LRRTM4: variants seen among roughly 807,000 people sequenced by gnomAD.
LRRTM4 encodes the protein leucine rich repeat transmembrane neuronal 4.
Under a neutral mutation model 47.6 loss-of-function variants are expected in LRRTM4, and 25 were observed. That is an observed-to-expected ratio of 0.53 (90% CI 0.38 to 0.73). The LOEUF is 0.73. Among genes scored for constraint, LRRTM4 ranks in the 30% least tolerant of loss-of-function variants. The pLI, the probability that LRRTM4 is intolerant of heterozygous loss-of-function variation, is 0.00. For missense variants in LRRTM4, 638 were observed against 713.4 expected (o/e 0.89, Z 1.20); for synonymous variants, 311 against 269.5 (o/e 1.15, Z -1.51).
In LRRTM4 at chr2:77,340,603, A is replaced by G. The variant is rs562258747; in HGVS notation, c.1551+177715T>C. ...TGTCACATGCAGAGAACAAGGAGTA[A>G]AGAAGAATTGGTAGGGATGGAATTA... is the stretch of plus-strand genomic sequence containing the variant. On this transcript the variant is annotated intron_variant, in intron 3 of 3. Coordinates refer to ENST00000409884, the MANE Select transcript of LRRTM4 (RefSeq NM_001134745.3). Among the ~76,000 whole-genome samples the G allele has an allele frequency of 3.3e-3, 498 of 152,080 alleles. 4 individuals carry two copies. The highest frequency in any genetic ancestry group is 0.012 in the African/African-American group (481 of 41,534).
Position 77,089,988 on chromosome 2 carries a change from C to T in LRRTM4, c.1552-341072G>A, listed in dbSNP as rs191271098. Among the ~76,000 whole-genome samples, 197 of 152,260 alleles carry T rather than the reference C, an allele frequency of 1.3e-3. 1 individual carries two copies. Among genetic ancestry groups the T allele is most frequent in the Middle Eastern group, 3.4e-3 (1 of 294 alleles). On this transcript the variant is annotated intron_variant, in intron 3 of 3. Coordinates refer to ENST00000409884, the MANE Select transcript of LRRTM4 (RefSeq NM_001134745.3). ...CCATCTGTCCCCTCAGTACTAACCC[C>T]AAGCATCGCTGAGTCTTTGTTATCT...
At chr2:76,934,588 C>T (rs920512324) in intron 3 of LRRTM4, among the ~76,000 whole-genome samples, 1 of 152,220 alleles carries the variant, frequency 6.6e-6, no homozygotes, top group African/African-American at 2.4e-5. Flanking sequence ...TGTCAATTTG[C>T]AGTGTGTAAA....
intron 3 of LRRTM4, among the ~76,000 whole-genome samples, chr2:77,387,945 T>C (rs1177070855): frequency 2.0e-5 from 3 of 152,116 alleles, no homozygotes; most frequent in African/African-American, 7.2e-5. Context: ...GATATTTAAA[T>C]ATTCTCCACT....
intron 3 of LRRTM4, among the ~76,000 whole-genome samples, chr2:76,815,185 C>T (rs1007767104): frequency 6.6e-6 from 1 of 152,040 alleles, no homozygotes; most frequent in Non-Finnish European, 1.5e-5. Context: ...GTCAGTGACT[C>T]TTCACACAAA....
intron 3 of LRRTM4, among the ~76,000 whole-genome samples, chr2:76,962,540 A>C (rs1675895539): frequency 6.6e-6 from 1 of 150,900 alleles, no homozygotes; most frequent in South Asian, 2.1e-4. Flanking sequence ...GAGAAACAAT[A>C]TAAATAGCTG....
chr2:77,251,222 T>C (rs1675605086), intron 3 of LRRTM4, among the ~76,000 whole-genome samples: 1 of 72,584 alleles, frequency 1.4e-5, no homozygotes, highest in African/African-American at 8.2e-5. Context: ...TATATGTGTA[T>C]ATATACATAT....
rs116528852 is a variant in LRRTM4, at chr2:77,403,485, G to T, written c.1551+114833C>A. On this transcript the variant is annotated intron_variant, in intron 3 of 3. Transcript: ENST00000409884. ...GAATGAAAGATAAATGAGAAGTAAA[G>T]AAAATTGAGAACCTTAAATATATAT... 5.3e-3 allele frequency among the ~76,000 whole-genome samples: 801 copies of T among 151,788 alleles called. 10 individuals are homozygous for T. The highest frequency in any genetic ancestry group is 0.018 in the African/African-American group (765 of 41,460).
At chr2:77,217,383 A>G (rs1674480936) in intron 3 of LRRTM4, among the ~76,000 whole-genome samples, 1 of 31,490 alleles carries the variant, frequency 3.2e-5, no homozygotes, top group Admixed American at 3.8e-4. Context: ...TAATTTAATT[A>G]TATTAATTAA....
chr2:77,380,705 A>C (rs571701278), intron 3 of LRRTM4, among the ~76,000 whole-genome samples: 1 of 152,070 alleles, frequency 6.6e-6, no homozygotes, highest in African/African-American at 2.4e-5. Flanking sequence ...CTAAGGCAGG[A>C]GAATCGCTTG....
At chr2:76,814,769 T>A (rs891213941) in intron 3 of LRRTM4, among the ~76,000 whole-genome samples, 1 of 151,032 alleles carries the variant, frequency 6.6e-6, no homozygotes, top group African/African-American at 2.4e-5. Flanking sequence ...GTAATAACAA[T>A]AGCAATACTA....
chr2:76,937,281 A>G (rs904566272), intron 3 of LRRTM4, among the ~76,000 whole-genome samples: 14 of 152,128 alleles, frequency 9.2e-5, no homozygotes, highest in African/African-American at 2.9e-4. Flanking sequence ...TTATTAACTG[A>G]TGCAAACCAA....
At chr2:77,148,650 A>G (rs931575083) in intron 3 of LRRTM4, among the ~76,000 whole-genome samples, 2 of 152,180 alleles carry the variant, frequency 1.3e-5, no homozygotes, top group African/African-American at 4.8e-5. Flanking sequence ...TGAAAACAGA[A>G]ATAATTTTAA....
chr2:76,914,286 G>A (rs528277032), intron 3 of LRRTM4, among the ~76,000 whole-genome samples: 2 of 151,866 alleles, frequency 1.3e-5, no homozygotes, highest in African/African-American at 2.4e-5. Flanking sequence ...CTATGGCTAT[G>A]TCATTTTTAA....
chr2:77,083,794 T>TGTTTTTG (rs538107221), intron 3 of LRRTM4, among the ~76,000 whole-genome samples: 5 of 87,130 alleles, frequency 5.7e-5, no homozygotes, highest in African/African-American at 1.9e-4. Context: ...TTTTTTTTTT[T>TGTTTTTG]TTTTTTTTTT....
At chr2:77,507,306 A>G (rs2104093341) in intron 3 of LRRTM4, among the ~76,000 whole-genome samples, 1 of 152,276 alleles carries the variant, frequency 6.6e-6, no homozygotes, top group Admixed American at 6.5e-5. Context: ...ATCTGTTTCA[A>G]TAAATTTTTA....
At chr2:77,412,628 T>C (rs1379281475) in intron 3 of LRRTM4, among the ~76,000 whole-genome samples, 1 of 152,164 alleles carries the variant, frequency 6.6e-6, no homozygotes, top group African/African-American at 2.4e-5. Context: ...GCAATCACAG[T>C]CTGTAAGTGT....
At chr2:77,516,180 T>G (rs1679202006) in intron 3 of LRRTM4, among the ~76,000 whole-genome samples, 1 of 151,916 alleles carries the variant, frequency 6.6e-6, no homozygotes, top group Admixed American at 6.6e-5. Flanking sequence ...CATTCTTCAT[T>G]ACTTAATGCC....
At chr2:77,455,647 G>T (rs1676503399) in intron 3 of LRRTM4, among the ~76,000 whole-genome samples, 1 of 151,598 alleles carries the variant, frequency 6.6e-6, no homozygotes, top group South Asian at 2.1e-4. Context: ...CTATGCTACT[G>T]GTCACTCTCT....
At chr2:76,957,257 C>G (rs7601256) in intron 3 of LRRTM4, among the ~76,000 whole-genome samples, 78,860 of 151,350 alleles carry the variant, frequency 0.52, 21,206 homozygotes, top group African/African-American at 0.65. Context: ...GGGTCTGAAA[C>G]AGGGCAAAAT....
Sources: allele counts gnomAD v4.1 joint callset (sites outside exome capture counted in the v4.1 genomes callset), GRCh38; gene constraint gnomAD v4.1.1; transcripts MANE v1.5; gene names NCBI Gene and HGNC (gene_info 2026-07-23, HGNC 2026-07-21).